The following ARHGAP20 variants were observed in gnomAD, a reference collection of about 807,000 sequenced individuals.
ARHGAP20 encodes the protein rho GTPase-activating protein 20.
A neutral mutation model predicts 73.7 loss-of-function variants in ARHGAP20; 34 were observed. The observed-to-expected ratio is 0.46, with a 90% CI of 0.35 to 0.61. The LOEUF is 0.61. Ranked by LOEUF, ARHGAP20 falls within the 20% of genes least tolerant of loss-of-function variation. ARHGAP20 has a pLI of 0.00. For synonymous variants in ARHGAP20, 523 were observed against 518.2 expected (o/e 1.01, Z -0.13); for missense variants, 1,314 against 1,420.9 (o/e 0.92, Z 1.21).
chr11:110,670,108 C>T (rs1949798878), intron 2 of ARHGAP20, among the ~76,000 whole-genome samples: 1 of 151,946 alleles, frequency 6.6e-6, no homozygotes, highest in Admixed American at 6.6e-5. Flanking sequence ...ACAAGGAAAC[C>T]TTTGGAGGTT....
intron 1 of ARHGAP20, among the ~76,000 whole-genome samples, chr11:110,704,937 T>C (rs1235014403): frequency 6.6e-6 from 1 of 152,126 alleles, no homozygotes; most frequent in African/African-American, 2.4e-5. Context: ...AAAATATATA[T>C]TTCCTCAAAG....
chr11:110,630,925 T>C (rs1948847641), intron 2 of ARHGAP20, 133 bp from the exon 3 acceptor site: 1 of 782,568 alleles, frequency 1.3e-6, no homozygotes, highest in Non-Finnish European at 1.9e-6. Flanking sequence ...CACCACACAG[T>C]AGTCTTTAAT....
chr11:110,581,122 G>C lies in ARHGAP20; in HGVS notation c.1824C>G (p.Gly608=), dbSNP rs111487269. 83 of 1,614,014 alleles carry C rather than the reference G, an allele frequency of 5.1e-5. No homozygotes were observed. The Admixed American group carries it at 1.4e-3, about 26-fold the overall frequency. Residue 608 remains glycine (G), a synonymous_variant, in exon 15 of 15, where the codon GGC becomes GGG. Transcript: ENST00000683387. ...CAGAGTCCATGCTTCTGCTCCCCTG[G>C]CCAAGTTTCTTTACCAAGTCACTGC... ...APCSDLVKKL[G]QGSRSMDSVL...
At chr11:110,634,767 A>G (rs1164861716) in intron 2 of ARHGAP20, among the ~76,000 whole-genome samples, 3 of 152,144 alleles carry the variant, frequency 2.0e-5, no homozygotes, top group Non-Finnish European at 4.4e-5. Flanking sequence ...AAGATTACTG[A>G]TGAGAGGGAA....
At chr11:110,627,628 A>G (rs571273279) in intron 3 of ARHGAP20, among the ~76,000 whole-genome samples, 2 of 152,234 alleles carry the variant, frequency 1.3e-5, no homozygotes, top group South Asian at 4.1e-4. Context: ...CTATTAATAA[A>G]TTTATTTCAT....
chr11:110,638,860 G>C (rs557911053), intron 2 of ARHGAP20, among the ~76,000 whole-genome samples: 2 of 152,108 alleles, frequency 1.3e-5, no homozygotes, highest in African/African-American at 4.8e-5. Flanking sequence ...CGGGGTGGGA[G>C]GAGTGGGGAG....
chr11:110,692,518 C>T lies in ARHGAP20; in HGVS notation c.106-1889G>A, dbSNP rs559231863. On this transcript the variant is annotated intron_variant, in intron 1 of 14. Coordinates refer to ENST00000683387, the MANE Select transcript of ARHGAP20 (RefSeq NM_001384657.1). ...GTCTGCTTTGACCTTGAGGATCTGCCATTCAGCAGCTTTACATCTGCTTTC... is the reference window on the plus strand; with the variant it reads ...GTCTGCTTTGACCTTGAGGATCTGCTATTCAGCAGCTTTACATCTGCTTTC... Among the ~76,000 whole-genome samples, 3 of 152,172 alleles carry T rather than the reference C, an allele frequency of 2.0e-5. No homozygotes were observed. In the South Asian group the frequency reaches 6.2e-4, roughly 32 times the overall value.
intron 8 of ARHGAP20, 41 bp from the exon 9 acceptor site, chr11:110,606,790 G>C: frequency 6.8e-7 from 1 of 1,479,802 alleles, no homozygotes; most frequent in South Asian, 1.4e-5. Context: ...CAGGCTGACT[G>C]GTACTGTTAG....
intron 1 of ARHGAP20, among the ~76,000 whole-genome samples, chr11:110,704,235 A>G (rs1184258360): frequency 6.6e-6 from 1 of 152,208 alleles, no homozygotes; most frequent in African/African-American, 2.4e-5. Context: ...GAGGAAATAA[A>G]AACATTCTCC....
At chr11:110,711,942 G>A (rs1950669372) in intron 1 of ARHGAP20, 185 bp downstream of exon 1, 1 of 1,253,696 alleles carries the variant, frequency 8.0e-7, no homozygotes, top group East Asian at 3.2e-5. Flanking sequence ...TGCGGGAGGC[G>A]GCGGCGCTGC....
In ARHGAP20 at chr11:110,712,001, G is replaced by A. The variant is rs539006265; in HGVS notation, c.105+126C>T. ...TGTTCTGGGACTCTCATTAGGGGCC[G>A]CGAGCCTCGAGCGTCAAATTCCCGC... On this transcript the variant is annotated intron_variant, in intron 1 of 14. Transcript: ENST00000683387. 53 of 1,239,554 alleles carry A rather than the reference G, an allele frequency of 4.3e-5. 1 individual carries two copies. In the African/African-American group the frequency reaches 7.5e-4, roughly 17 times the overall value. The allele number at this position is 1,239,554 out of a possible 1,614,324, so 76.8% of individuals were successfully genotyped here.
chr11:110,682,897 C>T (rs1950062859), intron 2 of ARHGAP20, among the ~76,000 whole-genome samples: 1 of 152,110 alleles, frequency 6.6e-6, no homozygotes, highest in South Asian at 2.1e-4. Context: ...CACAGATAAT[C>T]AGGATGGAGT....
chr11:110,625,298 A>G (rs1442802037), intron 3 of ARHGAP20, among the ~76,000 whole-genome samples: 1 of 151,782 alleles, frequency 6.6e-6, no homozygotes, highest in Non-Finnish European at 1.5e-5. Context: ...CGGCCTCCCA[A>G]AGTGCTGGGA....
chr11:110,689,519 GAATA>G (rs1234115501), intron 2 of ARHGAP20, among the ~76,000 whole-genome samples: 1 of 151,808 alleles, frequency 6.6e-6, no homozygotes, highest in Non-Finnish European at 1.5e-5. Flanking sequence ...AAAAATTAAC[GAATA>G]AATTAATGAA....
intron 1 of ARHGAP20, among the ~76,000 whole-genome samples, chr11:110,697,165 A>G (rs1591186751): frequency 6.6e-6 from 1 of 151,748 alleles, no homozygotes; most frequent in Non-Finnish European, 1.5e-5. Flanking sequence ...ATAAATCTCC[A>G]TATTGTTTAC....
intron 2 of ARHGAP20, among the ~76,000 whole-genome samples, chr11:110,631,302 G>A (rs912003391): frequency 6.6e-6 from 1 of 152,078 alleles, no homozygotes; most frequent in African/African-American, 2.4e-5. Context: ...ACAAGATTTA[G>A]AAAGTGATCA....
At chr11:110,682,125 T>G (rs1056082993) in intron 2 of ARHGAP20, among the ~76,000 whole-genome samples, 10 of 152,162 alleles carry the variant, frequency 6.6e-5, no homozygotes, top group Admixed American at 1.3e-4. Flanking sequence ...TAAAATAAAT[T>G]TAACATTAGA....
chr11:110,627,935 A>G (rs550093845), intron 3 of ARHGAP20, among the ~76,000 whole-genome samples: 22 of 152,214 alleles, frequency 1.4e-4, no homozygotes, highest in Admixed American at 5.9e-4. Flanking sequence ...TGGCTTTAAT[A>G]CTTTACTAAT....
chr11:110,614,686 G>T, intron 5 of ARHGAP20, 41 bp from the exon 6 acceptor site: 1 of 1,323,392 alleles, frequency 7.6e-7, no homozygotes, highest in Non-Finnish European at 1.1e-6. Context: ...CACTGAGTCA[G>T]ATGGAATTCG....
Sources: gnomAD v4.1 joint callset for allele counts (sites outside exome capture counted in the v4.1 genomes callset) on GRCh38, gnomAD v4.1.1 for gene constraint, MANE v1.5 for transcripts, NCBI Gene and HGNC (gene_info 2026-07-23, HGNC 2026-07-21) for gene names.